CWF19L2: variants seen among roughly 807,000 people sequenced by gnomAD.
The protein encoded by CWF19L2 is CWF19-like protein 2.
In CWF19L2, 98 loss-of-function variants were observed where a neutral mutation model predicts 111.7. The observed-to-expected ratio is 0.88, with a 90% CI of 0.75 to 1.04. The LOEUF (loss-of-function observed/expected upper bound fraction) is 1.04, where lower values mean the gene tolerates loss of function less well. CWF19L2 is among the 50% of genes least tolerant of loss of function. The pLI, the probability that CWF19L2 is intolerant of heterozygous loss-of-function variation, is 0.00. For synonymous variants in CWF19L2, 351 were observed against 342.9 expected (o/e 1.02, Z -0.26); for missense variants, 1,101 against 1,051.4 (o/e 1.05, Z -0.65).
intron 3 of CWF19L2, among the ~76,000 whole-genome samples, chr11:107,451,107 T>A (rs932029563): frequency 8.5e-5 from 13 of 152,078 alleles, no homozygotes; most frequent in Admixed American, 3.3e-4. Flanking sequence ...AAATAAAATG[T>A]CTCAAAAACT....
chr11:107,418,325 A>G (rs1221563329), intron 8 of CWF19L2, 38 bp from the exon 9 acceptor site: 2 of 1,316,926 alleles, frequency 1.5e-6, no homozygotes, highest in Admixed American at 1.7e-5. Context: ...TATGAAATAT[A>G]GGTGCGATGC....
At chr11:107,449,529 G>A (rs933702787) in intron 3 of CWF19L2, among the ~76,000 whole-genome samples, 3 of 151,848 alleles carry the variant, frequency 2.0e-5, no homozygotes, top group Non-Finnish European at 4.4e-5. Flanking sequence ...AAACAATGTG[G>A]GTTTATAACA....
intron 10 of CWF19L2, among the ~76,000 whole-genome samples, chr11:107,394,279 T>C (rs1860890857): frequency 1.3e-5 from 2 of 152,176 alleles, no homozygotes; most frequent in Admixed American, 1.3e-4. Context: ...CTTTTCTTCC[T>C]CAATAAATAA....
At chr11:107,347,040 T>C (rs1170378399) in intron 14 of CWF19L2, among the ~76,000 whole-genome samples, 3 of 152,202 alleles carry the variant, frequency 2.0e-5, no homozygotes, top group Non-Finnish European at 4.4e-5. Flanking sequence ...ATTTTTTAAA[T>C]GGGCTTACAG....
At chr11:107,403,360 T>G (rs1861033756) in intron 10 of CWF19L2, 1 of 592,660 alleles carries the variant, frequency 1.7e-6, no homozygotes, top group Admixed American at 2.5e-5. Context: ...CTTTTTTTCA[T>G]TTAAAAAACT....
At chr11:107,327,852 A>G (rs1170288707) in intron 17 of CWF19L2, among the ~76,000 whole-genome samples, 1 of 152,182 alleles carries the variant, frequency 6.6e-6, no homozygotes, top group Non-Finnish European at 1.5e-5. Flanking sequence ...CAGACTAAGG[A>G]TCAAATTCTG....
chr11:107,353,176 T>C (rs1013953183), intron 13 of CWF19L2, among the ~76,000 whole-genome samples: 1 of 152,186 alleles, frequency 6.6e-6, no homozygotes, highest in African/African-American at 2.4e-5. Context: ...TTTACTGCCT[T>C]ATTTCACTAG....
rs144759746 is a variant in CWF19L2, at chr11:107,393,478, C to G, written c.1618-583G>C. Among the ~76,000 whole-genome samples, 660 of 152,146 alleles carry G rather than the reference C, an allele frequency of 4.3e-3. 3 individuals carry two copies. The highest frequency in any genetic ancestry group is 0.014 in the African/African-American group (587 of 41,538). On this transcript the variant is annotated intron_variant, in intron 10 of 17. Transcript: ENST00000282251. ...GTACAGAATAAGAGTAAACTTTATT[C>G]TCTAATGGAAATGGAATGTTATTGG...
rs1021740712 is a variant in CWF19L2 at position 107,358,430 on chromosome 11, G to T, written c.1873-4694C>A. Among the ~76,000 whole-genome samples, 27 of 151,906 alleles carry T rather than the reference G, an allele frequency of 1.8e-4. 1 individual carries two copies. Among genetic ancestry groups the T allele is most frequent in the Non-Finnish European group, 1.5e-5 (1 of 67,996 alleles). ...TTGGGGTGCATTCAAAGTTGTCCTG[G>T]GCCACATGTGGCCCACAAGCCATGG... On this transcript the variant is annotated intron_variant, in intron 12 of 17. Coordinates refer to ENST00000282251, the MANE Select transcript of CWF19L2 (RefSeq NM_152434.3).
At chr11:107,358,189 C>G (rs1221704690) in intron 12 of CWF19L2, among the ~76,000 whole-genome samples, 1 of 152,016 alleles carries the variant, frequency 6.6e-6, no homozygotes, top group Non-Finnish European at 1.5e-5. Flanking sequence ...TCTGGTAGTT[C>G]CTCAAACATT....
Position 107,329,949 on chromosome 11 carries a change from T to A in CWF19L2, c.2510A>T (p.Asp837Val), listed in dbSNP as rs1192694732. 1 of 1,592,974 alleles carries A rather than the reference T, an allele frequency of 6.3e-7. No individual in the cohort carries two copies. Among genetic ancestry groups the A allele is most frequent in the South Asian group, 1.2e-5 (1 of 86,750 alleles). ...AAAGTAATGAGGGAATTTGTGCTGATCTTCAATGACATGGGCAAACCCTCC... is the reference window on the plus strand; with the variant it reads ...AAAGTAATGAGGGAATTTGTGCTGAACTTCAATGACATGGGCAAACCCTCC... Reference protein sequence around the residue: ...LHGGFAHVIEDQHKFPHYFGK... With the variant: ...LHGGFAHVIEVQHKFPHYFGK... Residue 837 changes from aspartate to valine, a missense_variant, in exon 17 of 18, where the codon GAT becomes GTT. Physicochemically the swap from Asp to Val is radical, Grantham distance 152 (BLOSUM62 -3). Transcript: ENST00000282251.
At chr11:107,414,447 T>C (rs1395007526) in intron 10 of CWF19L2, among the ~76,000 whole-genome samples, 1 of 152,214 alleles carries the variant, frequency 6.6e-6, no homozygotes, top group Non-Finnish European at 1.5e-5. Flanking sequence ...GATTATTTTA[T>C]GCAGTATCAT....
At chr11:107,443,169 C>G in intron 3 of CWF19L2, 120 bp from the exon 4 acceptor site, 3 of 688,886 alleles carry the variant, frequency 4.4e-6, no homozygotes, top group Non-Finnish European at 7.5e-6. Context: ...CTGTATTTCC[C>G]CTTTACAAAA....
At chr11:107,433,535 T>C (rs930375139) in intron 7 of CWF19L2, 99 bp downstream of exon 7, 1 of 401,078 alleles carries the variant, frequency 2.5e-6, no homozygotes. Flanking sequence ...AGACATGAAA[T>C]ATTAATTCAA....
At position 107,379,423 on chromosome 11, in the gene CWF19L2, C is replaced by G. The variant is rs201042412; in HGVS notation, c.1872+10651G>C. On this transcript the variant is annotated intron_variant, in intron 12 of 17. Transcript: ENST00000282251. ...ACAGACAGTCCTTCTACAACAAAGA[C>G]TTAACCAGCCCAAAATATCAATAGC... Among the ~76,000 whole-genome samples the G allele has an allele frequency of 3.3e-5, 5 of 152,352 alleles. No individual in the cohort carries two copies. In the East Asian group the frequency reaches 9.6e-4, roughly 29 times the overall value.
At chr11:107,346,787 T>C (rs1261263409) in intron 14 of CWF19L2, among the ~76,000 whole-genome samples, 1 of 152,212 alleles carries the variant, frequency 6.6e-6, no homozygotes. Flanking sequence ...TGTCCGTACA[T>C]GTTCAACACT....
rs1452620333 is a variant in CWF19L2 at position 107,408,713 on chromosome 11, TACATCCATTG to T, written c.1617+7486_1617+7495del. On this transcript the variant is annotated intron_variant, in intron 10 of 17. Coordinates refer to ENST00000282251, the MANE Select transcript of CWF19L2 (RefSeq NM_152434.3). The stretch of plus-strand genomic sequence containing the variant: ...CAAGCTGAACTGTATAGAAAATAGG[TACATCCATTG>T]ACCTTTTTTACTTGGCTGGGGAAAA... Among the ~76,000 whole-genome samples the T allele has an allele frequency of 3.3e-5, 5 of 152,020 alleles. No individual in the cohort carries two copies. In the East Asian group the frequency reaches 7.7e-4, roughly 24 times the overall value.
chr11:107,426,999 A>G (rs1488586861), intron 8 of CWF19L2, among the ~76,000 whole-genome samples: 6 of 151,998 alleles, frequency 3.9e-5, no homozygotes, highest in African/African-American at 1.4e-4. Flanking sequence ...ATACATATAC[A>G]TTTATTAAGA....
At chr11:107,334,733 G>C (rs1859896731) in intron 16 of CWF19L2, 148 bp downstream of exon 16, 1 of 661,024 alleles carries the variant, frequency 1.5e-6, no homozygotes, top group Non-Finnish European at 2.7e-6. Flanking sequence ...TTCTAGACCA[G>C]GTAGGATAAA....
Sources: allele counts gnomAD v4.1 joint callset (sites outside exome capture counted in the v4.1 genomes callset), GRCh38; gene constraint gnomAD v4.1.1; transcripts MANE v1.5; gene names NCBI Gene and HGNC (gene_info 2026-07-23, HGNC 2026-07-21).